The following DZIP1 variants were observed in gnomAD, a reference collection of about 807,000 sequenced individuals.
DZIP1 encodes DAZ interacting zinc finger protein 1.
In DZIP1, 97 loss-of-function variants were observed where a neutral mutation model predicts 107.6. That is an observed-to-expected ratio of 0.90 (90% confidence interval 0.77 to 1.07). The LOEUF (loss-of-function observed/expected upper bound fraction) is 1.07. DZIP1 is among the 50% of genes least tolerant of loss of function. The pLI is 0.00. For missense variants in DZIP1, 1,035 were observed against 1,063.6 expected, an observed-to-expected ratio of 0.97 and a Z score of 0.37; for synonymous variants, 390 against 386.4, an observed-to-expected ratio of 1.01 and a Z score of -0.11.
At chr13:95,614,624 A>G (rs1874812397) in intron 10 of DZIP1, among the ~76,000 whole-genome samples, 1 of 152,168 alleles carries the variant, frequency 6.6e-6, no homozygotes, top group Non-Finnish European at 1.5e-5. Context: ...GCCAGAAATT[A>G]TTTTGAAGTT....
At chr13:95,607,634 C>T (rs906796755) in intron 13 of DZIP1, among the ~76,000 whole-genome samples, 3 of 152,030 alleles carry the variant, frequency 2.0e-5, no homozygotes, top group Admixed American at 1.3e-4. Flanking sequence ...GATCATCTAG[C>T]CTGTGAAGCC....
rs762653328 is a variant in DZIP1 at position 95,622,366 on chromosome 13, C to T, written c.1087G>A (p.Val363Ile). 1 of 1,614,206 alleles carries T rather than the reference C, an allele frequency of 6.2e-7. No individual in the cohort carries two copies. Among genetic ancestry groups the T allele is most frequent in the South Asian group, 1.1e-5 (1 of 91,084 alleles). ...RSPYPQDFHNVMQLLDSQESK... is the reference protein window; with the variant it reads ...RSPYPQDFHNIMQLLDSQESK... ...ACCTGACTATCAAGAAGCTGCATGA[C>T]ATTATGGAAATCCTGGGGATATGGA... Residue 363 changes from valine to isoleucine, a missense_variant, in exon 9 of 23, where the codon GTC becomes ATC. By Grantham distance (29) the Val-to-Ile change is conservative. Coordinates refer to ENST00000376829, the MANE Select transcript of DZIP1 (RefSeq NM_198968.4).
At chr13:95,631,993 G>A (rs1336049166) in intron 6 of DZIP1, among the ~76,000 whole-genome samples, 1 of 152,118 alleles carries the variant, frequency 6.6e-6, no homozygotes, top group South Asian at 2.1e-4. Flanking sequence ...ACTGACCACT[G>A]CCTCCTCTGT....
Position 95,621,655 on chromosome 13 carries a change from A to G in DZIP1, c.1110+688T>C, listed in dbSNP as rs141791815. On this transcript the variant is annotated intron_variant, in intron 9 of 22. Transcript: ENST00000376829. ...GATAAATGTAACAGATCATCAGCTG[A>G]CCAGTTAGCAGTGTGTGTGTGTGTG... Among the ~76,000 whole-genome samples, 635 of 143,978 alleles carry G rather than the reference A, an allele frequency of 4.4e-3. 8 individuals are homozygous for G. The highest frequency in any genetic ancestry group is 0.016 in the African/African-American group (610 of 39,278). 94.5% of individuals were successfully genotyped at this position (143,978 alleles called of 152,430 possible).
rs376558096 is a variant in DZIP1, at chr13:95,641,624, G to A, written c.268C>T (p.Gln90Ter). The A allele has an allele frequency of 6.8e-6, 11 of 1,611,576 alleles. No individual in the cohort carries two copies. The highest frequency in any genetic ancestry group is 9.3e-6 in the Non-Finnish European group (11 of 1,180,034). ...AAGGTGATGTTCATGATGTTCTCCT[G>A]CAGCGTCAGCACGTCCACAGCCCCC... is the stretch of plus-strand genomic sequence containing the variant. ...VAGAVDVLTLQENIMNITFCK... is the reference protein window; with the variant it reads ...VAGAVDVLTL The change falls in exon 5 of 23, where the codon CAG (glutamine) becomes TAG (stop). Residue 90 changes from glutamine to a stop codon, truncating the protein, a stop_gained. Coordinates refer to ENST00000376829, the MANE Select transcript of DZIP1 (RefSeq NM_198968.4). LOFTEE classifies it high-confidence loss of function. The surrounding 1 kb of genome is among the most constrained non-coding windows in gnomAD (Gnocchi z 4.3).
At chr13:95,583,679 C>G (rs931635617) in intron 22 of DZIP1, among the ~76,000 whole-genome samples, 45 of 152,134 alleles carry the variant, frequency 3.0e-4, no homozygotes, top group African/African-American at 9.7e-4. Context: ...AGAAACCTCC[C>G]TTGGGAGAAA....
intron 16 of DZIP1, among the ~76,000 whole-genome samples, chr13:95,590,669 T>C (rs576942039): frequency 9.9e-5 from 15 of 152,226 alleles, no homozygotes; most frequent in Non-Finnish European, 2.1e-4. Flanking sequence ...GACGAGGCTG[T>C]GTGTCATAAG....
At chr13:95,621,016 G>A (rs1350173118) in intron 9 of DZIP1, among the ~76,000 whole-genome samples, 1 of 152,198 alleles carries the variant, frequency 6.6e-6, no homozygotes, top group Non-Finnish European at 1.5e-5. Context: ...CTCTGCACGG[G>A]AGGCGAGTAG....
chr13:95,632,695 C>T (rs1413316337), intron 6 of DZIP1, among the ~76,000 whole-genome samples: 10 of 152,186 alleles, frequency 6.6e-5, no homozygotes, highest in East Asian at 1.9e-4. Context: ...CACGCCTTCA[C>T]GGCTTCCTGT....
At chr13:95,619,338 G>A (rs1191890494) in intron 10 of DZIP1, among the ~76,000 whole-genome samples, 1 of 152,172 alleles carries the variant, frequency 6.6e-6, no homozygotes, top group African/African-American at 2.4e-5. Context: ...TGGACAAGAA[G>A]GCTGCTGGAG....
Position 95,578,448 on chromosome 13 carries a change from T to C in DZIP1, c.*3786A>G, listed in dbSNP as rs2043969113. On this transcript the variant is annotated 3_prime_UTR_variant, in exon 23 of 23. Transcript: ENST00000376829. ...CAATCTGAGAATATTCCTCAAAAGG[T>C]GTCCAGGTTAAATAGACATGTTACT... 1 of 152,398 alleles carries C rather than the reference T, an allele frequency of 6.6e-6. No homozygotes were observed. The highest frequency in any genetic ancestry group is 6.5e-5 in the Admixed American group (1 of 15,298). 9.4% of individuals were successfully genotyped at this position (152,398 alleles called of 1,614,324 possible).
At chr13:95,633,409 A>G (rs905542807) in intron 5 of DZIP1, 88 bp from the exon 6 acceptor site, 11 of 1,108,304 alleles carry the variant, frequency 9.9e-6, no homozygotes, top group African/African-American at 1.6e-5. Context: ...CTGGCCAGGC[A>G]CTGTGGCTCA....
chr13:95,624,698 C>T, intron 8 of DZIP1, 70 bp downstream of exon 8: 3 of 1,382,522 alleles, frequency 2.2e-6, no homozygotes, highest in Non-Finnish European at 3.0e-6. Context: ...GATCCCCTGG[C>T]CTTAATGCCA....
At position 95,622,442 on chromosome 13, in the gene DZIP1, C is replaced by G. The variant is rs769986451; in HGVS notation, c.1011G>C (p.Lys337Asn). 3.1e-6 allele frequency: 5 copies of G among 1,614,174 alleles called. No individual in the cohort carries two copies. The South Asian group carries it at 4.4e-5, about 14-fold the overall frequency. The change falls in exon 9 of 23, where the codon AAG becomes AAC. Residue 337 changes from lysine to asparagine, a missense_variant. Physicochemically the swap from Lys to Asn is moderately conservative, Grantham distance 94. Transcript: ENST00000376829. ...SEIQKSNMQI[K>N]SNIGTLKDAH... is the part of the protein sequence containing the mutation. Reference sequence around the variant, plus strand: ...CATCTTTTAATGTGCCTATGTTGGACTTGATCTGCATATTGGACTTCTGGA... The same window carrying G: ...CATCTTTTAATGTGCCTATGTTGGAGTTGATCTGCATATTGGACTTCTGGA...
At chr13:95,622,135 C>T (rs758761274) in intron 9 of DZIP1, among the ~76,000 whole-genome samples, 1 of 152,266 alleles carries the variant, frequency 6.6e-6, no homozygotes, top group East Asian at 1.9e-4. Context: ...AACAGTTCTG[C>T]CAACTGTTGT....
At chr13:95,604,931 C>T (rs2044727554) in intron 14 of DZIP1, among the ~76,000 whole-genome samples, 1 of 152,130 alleles carries the variant, frequency 6.6e-6, no homozygotes, top group African/African-American at 2.4e-5. Flanking sequence ...GTCCAGTGTG[C>T]TTTTATCTGT....
At chr13:95,588,695 A>C (rs7993924) in intron 19 of DZIP1, among the ~76,000 whole-genome samples, 1 of 152,238 alleles carries the variant, frequency 6.6e-6, no homozygotes, top group Non-Finnish European at 1.5e-5. Flanking sequence ...CAGGTGATGA[A>C]CAACTGGGCT....
At chr13:95,612,507 T>C (rs1357627875) in intron 10 of DZIP1, among the ~76,000 whole-genome samples, 1 of 152,224 alleles carries the variant, frequency 6.6e-6, no homozygotes, top group Non-Finnish European at 1.5e-5. Flanking sequence ...TGACCCTTAG[T>C]ACTAAATTTC....
chr13:95,586,231 T>G, intron 20 of DZIP1, 95 bp from the exon 21 acceptor site: 1 of 1,055,756 alleles, frequency 9.5e-7, no homozygotes, highest in Non-Finnish European at 1.3e-6. Flanking sequence ...TGAAAGAGTC[T>G]AAGCTTTGGA....
Sources: gnomAD v4.1 joint callset for allele counts (sites outside exome capture counted in the v4.1 genomes callset) on GRCh38, gnomAD v4.1.1 for gene constraint, Gnocchi (gnomAD v3.1) non-coding constraint, MANE v1.5 for transcripts, NCBI Gene and HGNC (gene_info 2026-07-23, HGNC 2026-07-21) for gene names.